ADGRL3: variants seen among roughly 807,000 people sequenced by gnomAD.
ADGRL3 encodes adhesion G protein-coupled receptor L3.
Under a neutral mutation model 153.5 loss-of-function variants are expected in ADGRL3, and 62 were observed. The observed-to-expected ratio is 0.40, with a 90% CI of 0.33 to 0.50. The LOEUF is 0.50. Ranked by LOEUF, ADGRL3 falls within the 20% of genes least tolerant of loss-of-function variation. The probability of loss-of-function intolerance (pLI) is 0.47; values close to 1 mark genes in which losing one functional copy is unlikely to be tolerated. For synonymous variants in ADGRL3, 710 were observed against 672.5 expected, an observed-to-expected ratio of 1.06 and a Z score of -0.86; for missense variants, 1,641 against 1,859.4, an observed-to-expected ratio of 0.88 and a Z score of 2.16.
At chr4:62,022,550 A>G (rs929162649) in intron 21 of ADGRL3, among the ~76,000 whole-genome samples, 2 of 152,192 alleles carry the variant, frequency 1.3e-5, no homozygotes, top group Non-Finnish European at 2.9e-5. Flanking sequence ...GAAGAAGTCA[A>G]TGTCTGGCTT....
chr4:61,736,424 C>T (rs1015950924), intron 8 of ADGRL3, among the ~76,000 whole-genome samples: 2 of 152,032 alleles, frequency 1.3e-5, no homozygotes, highest in African/African-American at 2.4e-5. Context: ...GAGGGCAAGG[C>T]GGGCATATCA....
intron 4 of ADGRL3, among the ~76,000 whole-genome samples, chr4:61,528,685 G>A (rs2098592811): frequency 6.6e-6 from 1 of 152,120 alleles, no homozygotes; most frequent in Non-Finnish European, 1.5e-5. Flanking sequence ...CAAGGATGCA[G>A]ATGGGGGTAG....
chr4:62,027,311 A>G (rs1370473729), intron 21 of ADGRL3, among the ~76,000 whole-genome samples: 1 of 150,620 alleles, frequency 6.6e-6, no homozygotes, highest in East Asian at 2.0e-4. Flanking sequence ...TTGGCTTAAA[A>G]CTCTCTTTGA....
At chr4:61,926,929 C>T (rs1487389248) in intron 13 of ADGRL3, among the ~76,000 whole-genome samples, 2 of 152,148 alleles carry the variant, frequency 1.3e-5, no homozygotes, top group Non-Finnish European at 2.9e-5. Flanking sequence ...TTCTCTTTCA[C>T]CTCTGTGCCT....
intron 1 of ADGRL3, among the ~76,000 whole-genome samples, chr4:61,350,350 T>G (rs956921086): frequency 7.3e-5 from 11 of 151,228 alleles, no homozygotes; most frequent in Admixed American, 4.0e-4. Context: ...GAGGTTTTTT[T>G]TTTTTTTTTT....
chr4:61,425,752 A>G (rs1340007334), intron 2 of ADGRL3, among the ~76,000 whole-genome samples: 1 of 152,174 alleles, frequency 6.6e-6, no homozygotes, highest in East Asian at 1.9e-4. Context: ...TCCCCTATGA[A>G]CAGTCATTCA....
intron 4 of ADGRL3, among the ~76,000 whole-genome samples, chr4:61,541,346 A>ATTTTTTT (rs3075146): frequency 9.7e-6 from 1 of 103,338 alleles, no homozygotes; most frequent in Non-Finnish European, 1.8e-5. Context: ...TCTGGTAGAG[A>ATTTTTTT]TTTTTTTTTT....
At chr4:61,576,784 T>C (rs1219607439) in intron 4 of ADGRL3, among the ~76,000 whole-genome samples, 1 of 151,590 alleles carries the variant, frequency 6.6e-6, no homozygotes, top group Non-Finnish European at 1.5e-5. Flanking sequence ...TCCGAAACTT[T>C]AGTTGGAAAA....
At chr4:61,497,039 G>A in intron 2 of ADGRL3, 82 bp from the exon 3 acceptor site, 1 of 419,580 alleles carries the variant, frequency 2.4e-6, no homozygotes. Flanking sequence ...TAACATGATG[G>A]CAATATATGT....
intron 4 of ADGRL3, among the ~76,000 whole-genome samples, chr4:61,532,516 C>T (rs1245640623): frequency 1.4e-5 from 2 of 147,720 alleles, no homozygotes; most frequent in Non-Finnish European, 3.0e-5. Flanking sequence ...AGTCTTGTTT[C>T]TGCAGGATGC....
chr4:61,445,537 A>G (rs2097573054), intron 2 of ADGRL3, among the ~76,000 whole-genome samples: 1 of 152,238 alleles, frequency 6.6e-6, no homozygotes, highest in East Asian at 1.9e-4. Flanking sequence ...ACTTAGAGAT[A>G]AGTGGGTAAT....
chr4:61,640,364 T>A (rs1252707993), intron 5 of ADGRL3, among the ~76,000 whole-genome samples: 1 of 152,168 alleles, frequency 6.6e-6, no homozygotes, highest in Non-Finnish European at 1.5e-5. Flanking sequence ...TCTATGGTGT[T>A]AAATAAAAAG....
chr4:61,264,912 A>G (rs2092755673), intron 1 of ADGRL3, among the ~76,000 whole-genome samples: 1 of 151,968 alleles, frequency 6.6e-6, no homozygotes, highest in Non-Finnish European at 1.5e-5. Context: ...CCAAGGTCAT[A>G]GGTCTCAGTA....
At chr4:62,034,993 G>A (rs1724161444) in intron 23 of ADGRL3, among the ~76,000 whole-genome samples, 1 of 151,682 alleles carries the variant, frequency 6.6e-6, no homozygotes, top group African/African-American at 2.4e-5. Context: ...ATCTGACTAG[G>A]GTAACTAAGA....
intron 9 of ADGRL3, among the ~76,000 whole-genome samples, chr4:61,819,586 A>G (rs144386528): frequency 1.3e-5 from 2 of 152,238 alleles, no homozygotes; most frequent in Admixed American, 6.5e-5. Context: ...GGACTTGACT[A>G]TATTCCTATA....
chr4:61,547,817 G>A (rs1009072049), intron 4 of ADGRL3, among the ~76,000 whole-genome samples: 1 of 151,832 alleles, frequency 6.6e-6, no homozygotes, highest in Non-Finnish European at 1.5e-5. Context: ...TCAGTTTTTT[G>A]AGAAATTGCC....
intron 21 of ADGRL3, among the ~76,000 whole-genome samples, chr4:61,998,678 C>T (rs545366221): frequency 2.0e-5 from 3 of 151,806 alleles, no homozygotes; most frequent in Admixed American, 6.6e-5. Context: ...CCGATTCAAG[C>T]GATTTTCCTG....
In ADGRL3 at chr4:61,497,352, A is replaced by G. The variant is rs995542166; in HGVS notation, c.55+4A>G. 6.3e-7 allele frequency: 1 copy of G among 1,591,420 alleles called. No individual in the cohort carries two copies. Among genetic ancestry groups the G allele is most frequent in the African/African-American group, 1.4e-5 (1 of 73,926 alleles). ...CTCTTAGCTCCAATAATTCATGGTAAGATTTTTCAGATTTTTGTGTAATGC... is the reference window on the plus strand; with the variant it reads ...CTCTTAGCTCCAATAATTCATGGTAGGATTTTTCAGATTTTTGTGTAATGC... On this transcript the variant is annotated splice_donor_region_variant and intron_variant, in intron 3 of 26. Transcript: ENST00000683033.
chr4:61,468,750 A>G (rs2097912733), intron 2 of ADGRL3, among the ~76,000 whole-genome samples: 1 of 152,002 alleles, frequency 6.6e-6, no homozygotes, highest in South Asian at 2.1e-4. Context: ...TGGCTGGCAT[A>G]AAGAGAGTGA....
Sources: allele counts gnomAD v4.1 joint callset (sites outside exome capture counted in the v4.1 genomes callset), GRCh38; gene constraint gnomAD v4.1.1; transcripts MANE v1.5; gene names NCBI Gene and HGNC (gene_info 2026-07-23, HGNC 2026-07-21).